SGCZ: variants seen among roughly 807,000 people sequenced by gnomAD.
SGCZ encodes the protein zeta-sarcoglycan.
In SGCZ, 40 loss-of-function variants were observed where a neutral mutation model predicts 41.3. The ratio of observed to expected loss-of-function variants is 0.97; its 90% CI spans 0.75 to 1.26. The LOEUF (loss-of-function observed/expected upper bound fraction) is 1.26, where lower values mean the gene tolerates loss of function less well. SGCZ is among the 50% of genes most tolerant of loss of function. The pLI, the probability that SGCZ is intolerant of heterozygous loss-of-function variation, is 0.00. For missense variants in SGCZ, 552 were observed against 369.8 expected (o/e 1.49, Z -4.04); for synonymous variants, 206 against 137.5 (o/e 1.50, Z -3.49).
chr8:14,263,101 T>C (rs2117240001), intron 3 of SGCZ, among the ~76,000 whole-genome samples: 1 of 152,330 alleles, frequency 6.6e-6, no homozygotes, highest in African/African-American at 2.4e-5. Context: ...TTTCCACTAT[T>C]TTGTGTTTAA....
At chr8:15,075,803 CTGCTATGAAGTCTAATT>C (rs527938857) in intron 1 of SGCZ, among the ~76,000 whole-genome samples, 6 of 152,092 alleles carry the variant, frequency 3.9e-5, no homozygotes, top group African/African-American at 7.2e-5. Context: ...AGACATTTTT[CTGCTATGAAGTCTAATT>C]TGCTCAAAAA....
chr8:14,530,955 G>A (rs564419996), intron 2 of SGCZ, among the ~76,000 whole-genome samples: 2 of 152,164 alleles, frequency 1.3e-5, no homozygotes, highest in South Asian at 2.1e-4. Flanking sequence ...GCGATAGGAG[G>A]CAGACAAGTT....
intron 1 of SGCZ, among the ~76,000 whole-genome samples, chr8:14,642,106 A>G (rs1387990895): frequency 6.6e-6 from 1 of 151,696 alleles, no homozygotes; most frequent in Non-Finnish European, 1.5e-5. Flanking sequence ...GAAAAGCACC[A>G]GGAGTCTCAG....
At chr8:15,117,199 A>C (rs759322758) in intron 1 of SGCZ, among the ~76,000 whole-genome samples, 13 of 152,124 alleles carry the variant, frequency 8.5e-5, no homozygotes, top group Non-Finnish European at 1.9e-4. Flanking sequence ...CTCTACTAAA[A>C]ATACAAAAAA....
At chr8:14,385,836 G>T (rs912037208) in intron 2 of SGCZ, among the ~76,000 whole-genome samples, 5 of 152,088 alleles carry the variant, frequency 3.3e-5, no homozygotes, top group African/African-American at 9.7e-5. Flanking sequence ...ATCTGACAGG[G>T]ATTGGTTCTA....
intron 1 of SGCZ, among the ~76,000 whole-genome samples, chr8:14,629,811 T>A (rs562768986): frequency 6.6e-6 from 1 of 152,206 alleles, no homozygotes; most frequent in African/African-American, 2.4e-5. Flanking sequence ...AAAATTGAGA[T>A]GCTTCATGAC....
chr8:14,813,912 C>T (rs948424122), intron 1 of SGCZ, among the ~76,000 whole-genome samples: 1 of 152,244 alleles, frequency 6.6e-6, no homozygotes, highest in African/African-American at 2.4e-5. Flanking sequence ...AAGATAGTGC[C>T]ACTGCACTCC....
At chr8:14,401,280 TTA>T (rs1408361966) in intron 2 of SGCZ, among the ~76,000 whole-genome samples, 2 of 143,244 alleles carry the variant, frequency 1.4e-5, no homozygotes, top group African/African-American at 2.4e-5. Flanking sequence ...TTATTTTTAT[TTA>T]TTTTTTTTTC....
chr8:14,834,649 G>A (rs545377631), intron 1 of SGCZ, among the ~76,000 whole-genome samples: 3 of 152,280 alleles, frequency 2.0e-5, no homozygotes, highest in South Asian at 2.1e-4. Flanking sequence ...ACTTTGGAGC[G>A]GAAGTGTATC....
At chr8:14,330,628 T>G (rs150463235) in intron 2 of SGCZ, among the ~76,000 whole-genome samples, 111 of 152,092 alleles carry the variant, frequency 7.3e-4, no homozygotes, top group African/African-American at 2.6e-3. Flanking sequence ...AATTTAAATT[T>G]AAAATGACAT....
chr8:14,230,139 G>A (rs138580898), intron 4 of SGCZ, among the ~76,000 whole-genome samples: 3 of 152,128 alleles, frequency 2.0e-5, no homozygotes, highest in East Asian at 3.9e-4. Context: ...ATTGAGGAAC[G>A]TAAGGACCAG....
chr8:14,881,519 C>G (rs1041004178), intron 1 of SGCZ, among the ~76,000 whole-genome samples: 4 of 152,062 alleles, frequency 2.6e-5, no homozygotes, highest in East Asian at 1.9e-4. Flanking sequence ...GATTCAGGCC[C>G]ACATCAGCCT....
rs964710248 is a variant in SGCZ at position 14,861,402 on chromosome 8, G to A, written c.40-306476C>T. ...AGAATAGAGATAACTTTGCACAGCGGTAAGAATGCTCTTGTAAGAATGAAA... is the reference window on the plus strand; with the variant it reads ...AGAATAGAGATAACTTTGCACAGCGATAAGAATGCTCTTGTAAGAATGAAA... On this transcript the variant is annotated intron_variant, in intron 1 of 7. Coordinates refer to ENST00000382080, the MANE Select transcript of SGCZ (RefSeq NM_139167.4). Among the ~76,000 whole-genome samples, 77 of 152,132 alleles carry A rather than the reference G, an allele frequency of 5.1e-4. 1 individual carries two copies. The highest frequency in any genetic ancestry group is 1.8e-3 in the African/African-American group (75 of 41,450).
intron 2 of SGCZ, among the ~76,000 whole-genome samples, chr8:14,337,658 G>A (rs774032078): frequency 1.3e-5 from 2 of 152,054 alleles, no homozygotes; most frequent in African/African-American, 4.8e-5. Context: ...TACTGGGTAG[G>A]GTCGGAAAAC....
chr8:14,411,442 G>T (rs1312777973), intron 2 of SGCZ, among the ~76,000 whole-genome samples: 2 of 152,044 alleles, frequency 1.3e-5, no homozygotes, highest in Non-Finnish European at 2.9e-5. Context: ...TACACAAAAT[G>T]CCTAATTATG....
intron 1 of SGCZ, among the ~76,000 whole-genome samples, chr8:15,010,860 A>C (rs565580793): frequency 6.6e-6 from 1 of 152,280 alleles, no homozygotes; most frequent in African/African-American, 2.4e-5. Context: ...GACGTGCCAA[A>C]CAATAATTTG....
At chr8:14,688,383 G>T (rs1289175364) in intron 1 of SGCZ, among the ~76,000 whole-genome samples, 1 of 152,116 alleles carries the variant, frequency 6.6e-6, no homozygotes, top group Non-Finnish European at 1.5e-5. Context: ...AAGGTGTAAG[G>T]AAGGGATCCA....
chr8:14,659,080 A>C (rs921714101), intron 1 of SGCZ, among the ~76,000 whole-genome samples: 2 of 152,166 alleles, frequency 1.3e-5, no homozygotes, highest in African/African-American at 4.8e-5. Flanking sequence ...TTTATTAAAT[A>C]CTCACAGAGT....
chr8:15,058,308 A>T (rs1274720697), intron 1 of SGCZ, among the ~76,000 whole-genome samples: 1 of 152,136 alleles, frequency 6.6e-6, no homozygotes, highest in Admixed American at 6.6e-5. Context: ...AGAAGGTCCA[A>T]TTTGGAACAT....
Sources: allele counts gnomAD v4.1 joint callset (sites outside exome capture counted in the v4.1 genomes callset), GRCh38; gene constraint gnomAD v4.1.1; transcripts MANE v1.5; gene names NCBI Gene and HGNC (gene_info 2026-07-23, HGNC 2026-07-21).